SNX24: variants seen among roughly 807,000 people sequenced by gnomAD.
SNX24 encodes sorting nexin 24.
A neutral mutation model predicts 28.7 loss-of-function variants in SNX24; 22 were observed. The observed-to-expected ratio is 0.77, with a 90% CI of 0.55 to 1.10. The LOEUF is 1.10. Among genes scored for constraint, SNX24 ranks in the 50% least tolerant of loss-of-function variants. The pLI is 0.00. For synonymous variants in SNX24, 69 were observed against 71.5 expected (o/e 0.96, Z 0.18); for missense variants, 221 against 201.1 (o/e 1.10, Z -0.60).
At chr5:122,958,869 T>C (rs1760338210) in intron 3 of SNX24, among the ~76,000 whole-genome samples, 1 of 152,102 alleles carries the variant, frequency 6.6e-6, no homozygotes, top group Non-Finnish European at 1.5e-5. Context: ...CAATATAGTC[T>C]TTTTAATATG....
intron 1 of SNX24, among the ~76,000 whole-genome samples, chr5:122,921,748 T>G (rs1479703488): frequency 1.3e-5 from 2 of 152,142 alleles, no homozygotes; most frequent in Non-Finnish European, 2.9e-5. Flanking sequence ...CGTTTTCAGT[T>G]TTTCTATAGA....
At chr5:122,996,017 C>T (rs180939437) in intron 3 of SNX24, among the ~76,000 whole-genome samples, 1 of 152,264 alleles carries the variant, frequency 6.6e-6, no homozygotes, top group African/African-American at 2.4e-5. Context: ...CCACTGACTG[C>T]TGCATTTTAG....
At chr5:122,972,446 C>T (rs1760996392) in intron 3 of SNX24, among the ~76,000 whole-genome samples, 1 of 152,202 alleles carries the variant, frequency 6.6e-6, no homozygotes, top group Non-Finnish European at 1.5e-5. Flanking sequence ...AGAGCTGCCC[C>T]AGCCCTGCAA....
At chr5:122,945,201 T>C (rs1429919439) in intron 2 of SNX24, among the ~76,000 whole-genome samples, 1 of 152,196 alleles carries the variant, frequency 6.6e-6, no homozygotes, top group East Asian at 1.9e-4. Flanking sequence ...TTGTTTCTCC[T>C]AGTCTCTTTC....
Position 122,946,069 on chromosome 5 carries a change from A to G in SNX24, c.159A>G (p.Ile53Met). The G allele has an allele frequency of 6.3e-7, 1 of 1,590,864 alleles. No individual in the cohort carries two copies. The highest frequency in any genetic ancestry group is 8.6e-7 in the Non-Finnish European group (1 of 1,164,096). The change falls in exon 3 of 7, where the codon ATA becomes ATG. Residue 53 changes from isoleucine (I) to methionine (M), a missense_variant. Ile to Met is a conservative substitution (Grantham distance 10). Coordinates refer to ENST00000261369, the MANE Select transcript of SNX24 (RefSeq NM_014035.4). ...HALHKKLKKCIKTPEIPSKHV... is the reference protein window; with the variant it reads ...HALHKKLKKCMKTPEIPSKHV... ...TGTCTTTATAGCTTAAGAAATGTAT[A>G]AAAACTCCAGAAATCCCTTCTAAAC...
At chr5:122,880,568 T>C (rs886803901) in intron 1 of SNX24, among the ~76,000 whole-genome samples, 4 of 152,204 alleles carry the variant, frequency 2.6e-5, no homozygotes, top group Admixed American at 2.6e-4. Flanking sequence ...AAGTTGATTG[T>C]TGCCTATAAA....
chr5:122,989,830 G>T (rs759605096), intron 3 of SNX24, among the ~76,000 whole-genome samples: 1 of 152,148 alleles, frequency 6.6e-6, no homozygotes, highest in Non-Finnish European at 1.5e-5. Flanking sequence ...TGTTAGATTT[G>T]GGAGAAGGGC....
intron 3 of SNX24, among the ~76,000 whole-genome samples, chr5:122,969,698 A>T (rs1760871959): frequency 6.6e-6 from 1 of 152,162 alleles, no homozygotes; most frequent in South Asian, 2.1e-4. Context: ...TGTGGATATG[A>T]TGTTGGAACT....
At chr5:122,985,723 C>T (rs891503289) in intron 3 of SNX24, among the ~76,000 whole-genome samples, 2 of 152,214 alleles carry the variant, frequency 1.3e-5, no homozygotes, top group African/African-American at 4.8e-5. Flanking sequence ...GCATCTATTG[C>T]CTTCCAAAGC....
chr5:122,949,937 C>T (rs967900947), intron 3 of SNX24, among the ~76,000 whole-genome samples: 3 of 152,110 alleles, frequency 2.0e-5, no homozygotes, highest in Non-Finnish European at 2.9e-5. Context: ...GGCAGTCTAC[C>T]TGATGAACAG....
At chr5:122,907,961 C>T (rs1198474734) in intron 1 of SNX24, among the ~76,000 whole-genome samples, 1 of 151,062 alleles carries the variant, frequency 6.6e-6, no homozygotes, top group Non-Finnish European at 1.5e-5. Context: ...ACTTCAGTGT[C>T]TTCTGGTATA....
chr5:122,966,091 C>T (rs1004386480), intron 3 of SNX24, among the ~76,000 whole-genome samples: 2 of 151,994 alleles, frequency 1.3e-5, no homozygotes, highest in Admixed American at 6.5e-5. Flanking sequence ...CTGTTTTTTT[C>T]CAAAATCTAC....
chr5:122,926,027 G>A (rs1007079210), intron 1 of SNX24, among the ~76,000 whole-genome samples: 1 of 150,456 alleles, frequency 6.6e-6, no homozygotes, highest in African/African-American at 2.5e-5. Flanking sequence ...GTGTGTGTGT[G>A]TGCATGCACA....
intron 3 of SNX24, among the ~76,000 whole-genome samples, chr5:122,988,216 G>A (rs1247428705): frequency 6.6e-6 from 1 of 152,120 alleles, no homozygotes; most frequent in Non-Finnish European, 1.5e-5. Context: ...GAGTACCTTT[G>A]TGTCTCCTGA....
chr5:122,957,492 T>C (rs1025235995), intron 3 of SNX24, among the ~76,000 whole-genome samples: 13 of 152,160 alleles, frequency 8.5e-5, no homozygotes, highest in African/African-American at 2.9e-4. Flanking sequence ...TTGTTTTGGG[T>C]ATTTGAGGGC....
intron 1 of SNX24, among the ~76,000 whole-genome samples, chr5:122,869,704 C>G (rs1361698948): frequency 2.6e-5 from 4 of 152,124 alleles, no homozygotes; most frequent in Admixed American, 6.6e-5. Flanking sequence ...ATTATTGCTA[C>G]GCTTTATCTC....
At chr5:122,919,632 G>A (rs1758332699) in intron 1 of SNX24, among the ~76,000 whole-genome samples, 2 of 151,894 alleles carry the variant, frequency 1.3e-5, no homozygotes, top group Admixed American at 1.3e-4. Flanking sequence ...ATTAACTCAG[G>A]ATTTTTTACA....
In SNX24 at chr5:122,848,016, A is replaced by G. The variant is rs1318083922; in HGVS notation, c.60+2323A>G. On this transcript the variant is annotated intron_variant, in intron 1 of 6. Coordinates refer to ENST00000261369, the MANE Select transcript of SNX24 (RefSeq NM_014035.4). ...TAAAAAAAACCCCAGAATTTAAAAAATATTTCAGTTTCCTAAATAAGAAGC... is the reference window on the plus strand; with the variant it reads ...TAAAAAAAACCCCAGAATTTAAAAAGTATTTCAGTTTCCTAAATAAGAAGC... Among the ~76,000 whole-genome samples the G allele has an allele frequency of 2.6e-5, 4 of 152,244 alleles. No individual in the cohort carries two copies. The East Asian group carries it at 5.8e-4, about 22-fold the overall frequency.
At chr5:122,916,704 G>T (rs541020791) in intron 1 of SNX24, among the ~76,000 whole-genome samples, 2 of 152,274 alleles carry the variant, frequency 1.3e-5, no homozygotes, top group East Asian at 3.9e-4. Context: ...CTTAACAGTG[G>T]TGTGTTGTCT....
Sources: allele counts gnomAD v4.1 joint callset (sites outside exome capture counted in the v4.1 genomes callset), GRCh38; gene constraint gnomAD v4.1.1; transcripts MANE v1.5; gene names NCBI Gene and HGNC (gene_info 2026-07-23, HGNC 2026-07-21).